Variants in ADGRG7 observed in about 807,000 individuals in gnomAD.
ADGRG7 encodes the protein adhesion G protein-coupled receptor G7.
A neutral mutation model predicts 88.6 loss-of-function variants in ADGRG7; 82 were observed. The ratio of observed to expected loss-of-function variants is 0.93; its 90% CI spans 0.77 to 1.11. The LOEUF (loss-of-function observed/expected upper bound fraction) is 1.11, where lower values mean the gene tolerates loss of function less well. Ranked by LOEUF, ADGRG7 falls within the 50% of genes most tolerant of loss-of-function variation. The probability of loss-of-function intolerance (pLI) is 0.00; values close to 1 mark genes in which losing one functional copy is unlikely to be tolerated. For synonymous variants in ADGRG7, 381 were observed against 345.2 expected, an observed-to-expected ratio of 1.10 and a Z score of -1.15; for missense variants, 945 against 953.4, an observed-to-expected ratio of 0.99 and a Z score of 0.12.
chr3:100,660,754 A>G (rs2094944233), intron 14 of ADGRG7, among the ~76,000 whole-genome samples: 1 of 151,996 alleles, frequency 6.6e-6, no homozygotes. Flanking sequence ...GTAGTTTGAG[A>G]CCAGCCTGAC....
In ADGRG7 at chr3:100,646,736, C is replaced by T. The variant is rs1168506216; in HGVS notation, c.1266+12C>T. ...TTGCTGTATTAATGGTAAGGATATA[C>T]ATAGCAATCTCTTTCCAGATGAGAA... On this transcript the variant is annotated intron_variant, in intron 10 of 15. Transcript: ENST00000273352. 1.9e-6 allele frequency: 3 copies of T among 1,605,168 alleles called. No individual in the cohort carries two copies. Among genetic ancestry groups the T allele is most frequent in the Non-Finnish European group, 1.7e-6 (2 of 1,173,810 alleles).
At chr3:100,666,981 T>G (rs1242405144) in intron 14 of ADGRG7, among the ~76,000 whole-genome samples, 1 of 152,072 alleles carries the variant, frequency 6.6e-6, no homozygotes, top group Non-Finnish European at 1.5e-5. Flanking sequence ...GGTCATAGAT[T>G]AACAGAATCT....
At chr3:100,668,854 C>A in intron 14 of ADGRG7, 95 bp from the exon 15 acceptor site, 1 of 803,924 alleles carries the variant, frequency 1.2e-6, no homozygotes, top group South Asian at 2.2e-5. Flanking sequence ...TGTATATGGG[C>A]AGCTGAATAT....
intron 1 of ADGRG7, among the ~76,000 whole-genome samples, chr3:100,610,931 G>A (rs920988449): frequency 6.6e-5 from 10 of 152,202 alleles, no homozygotes; most frequent in African/African-American, 2.4e-4. Context: ...AAGACCAACA[G>A]AGGGATCTGA....
chr3:100,635,927 T>C lies in ADGRG7; in HGVS notation c.597+101T>C, dbSNP rs1261624276. 4 of 869,962 alleles carry C rather than the reference T, an allele frequency of 4.6e-6. No homozygotes were observed. The Admixed American group carries it at 1.1e-4, about 23-fold the overall frequency. 53.9% of individuals were successfully genotyped at this position (869,962 alleles called of 1,614,324 possible). On this transcript the variant is annotated intron_variant, in intron 5 of 15. Coordinates refer to ENST00000273352, the MANE Select transcript of ADGRG7 (RefSeq NM_032787.3). ...CTGAATACCACTCCTTATTCCACAA[T>C]ATGGTTTGAGCATGGTTTAAGTTGC...
chr3:100,631,540 A>G (rs1273266371), intron 3 of ADGRG7, among the ~76,000 whole-genome samples: 1 of 152,090 alleles, frequency 6.6e-6, no homozygotes, highest in Non-Finnish European at 1.5e-5. Flanking sequence ...CTTGACTTGC[A>G]TTTGAGCAGT....
intron 13 of ADGRG7, 33 bp from the exon 14 acceptor site, chr3:100,659,655 G>A: frequency 6.2e-7 from 1 of 1,606,554 alleles, no homozygotes; most frequent in Non-Finnish European, 8.5e-7. Flanking sequence ...ACCTTTCTTA[G>A]TCTGCTGAAG....
Position 100,659,668 on chromosome 3 carries a change from A to AT in ADGRG7, c.1824-10dup, listed in dbSNP as rs561068825. On this transcript the variant is annotated intron_variant, in intron 13 of 15. Coordinates refer to ENST00000273352, the MANE Select transcript of ADGRG7 (RefSeq NM_032787.3). ...ATACCTTTCTTAGTCTGCTGAAGCA[A>AT]TTTTTTTTTTCCTCCACAGCTGCTG... 8.8e-4 allele frequency: 1,307 copies of AT among 1,490,688 alleles called. No individual in the cohort carries two copies. Among genetic ancestry groups the AT allele is most frequent in the Admixed American group, 1.8e-3 (100 of 55,062 alleles). 92.3% of individuals were successfully genotyped at this position (1,490,688 alleles called of 1,614,324 possible).
intron 14 of ADGRG7, among the ~76,000 whole-genome samples, chr3:100,667,851 C>A (rs958418765): frequency 2.0e-5 from 3 of 152,118 alleles, no homozygotes; most frequent in Non-Finnish European, 4.4e-5. Context: ...AAAAAGAGCT[C>A]CTGCAGCTAG....
intron 1 of ADGRG7, among the ~76,000 whole-genome samples, chr3:100,617,010 G>T (rs1308520006): frequency 6.6e-6 from 1 of 152,076 alleles, no homozygotes. Context: ...TTTCAGAAGA[G>T]AATAGAAAAT....
intron 4 of ADGRG7, among the ~76,000 whole-genome samples, chr3:100,634,263 C>A (rs1390811313): frequency 1.3e-5 from 2 of 152,146 alleles, no homozygotes; most frequent in East Asian, 3.8e-4. Flanking sequence ...ATGTGCCTGG[C>A]ATGTTGCATA....
At chr3:100,675,946 T>G (rs1313552066) in intron 15 of ADGRG7, among the ~76,000 whole-genome samples, 3 of 152,092 alleles carry the variant, frequency 2.0e-5, no homozygotes, top group African/African-American at 7.2e-5. Context: ...TGGTATCAGT[T>G]GTTATGTCTC....
At chr3:100,610,583 G>A (rs1290638524) in intron 1 of ADGRG7, among the ~76,000 whole-genome samples, 1 of 152,172 alleles carries the variant, frequency 6.6e-6, no homozygotes, top group Non-Finnish European at 1.5e-5. Context: ...GCCAGAGCTG[G>A]CCTGGAAAAG....
intron 14 of ADGRG7, among the ~76,000 whole-genome samples, chr3:100,668,068 G>A (rs1384226730): frequency 6.6e-6 from 1 of 152,168 alleles, no homozygotes; most frequent in Non-Finnish European, 1.5e-5. Context: ...CTTCCCAGGT[G>A]AGGTGACACC....
intron 14 of ADGRG7, among the ~76,000 whole-genome samples, chr3:100,666,266 G>C (rs765052558): frequency 8.5e-5 from 13 of 152,106 alleles, no homozygotes; most frequent in African/African-American, 2.9e-4. Flanking sequence ...GGGAACCAGC[G>C]TTCAGCATAT....
At chr3:100,677,805 C>T (rs1040913796) in intron 15 of ADGRG7, among the ~76,000 whole-genome samples, 2 of 152,100 alleles carry the variant, frequency 1.3e-5, no homozygotes, top group South Asian at 2.1e-4. Context: ...AATTGAAGCT[C>T]TGTTGTATAT....
At chr3:100,686,269 A>G (rs927584295) in intron 15 of ADGRG7, among the ~76,000 whole-genome samples, 8 of 151,962 alleles carry the variant, frequency 5.3e-5, no homozygotes, top group African/African-American at 1.9e-4. Context: ...TAGATTCTGG[A>G]TATTAGCCCT....
At chr3:100,673,297 G>T (rs1241608917) in intron 15 of ADGRG7, among the ~76,000 whole-genome samples, 2 of 152,068 alleles carry the variant, frequency 1.3e-5, no homozygotes, top group Non-Finnish European at 2.9e-5. Flanking sequence ...AGACTTGGGA[G>T]GGTGTATGTG....
intron 15 of ADGRG7, among the ~76,000 whole-genome samples, chr3:100,686,659 T>C (rs558965753): frequency 2.6e-5 from 4 of 152,180 alleles, no homozygotes; most frequent in Non-Finnish European, 5.9e-5. Context: ...TTGTTTTTCT[T>C]AGGTTTGTCA....
Sources: allele counts gnomAD v4.1 joint callset (sites outside exome capture counted in the v4.1 genomes callset), GRCh38; gene constraint gnomAD v4.1.1; transcripts MANE v1.5; gene names NCBI Gene and HGNC (gene_info 2026-07-23, HGNC 2026-07-21).